Variants in WDR49 observed in about 807,000 individuals in gnomAD.
WDR49 encodes WD repeat domain 49, also known as cilia- and flagella-associated protein 337.
Under a neutral mutation model 119.5 loss-of-function variants are expected in WDR49, and 107 were observed. That is an observed-to-expected ratio of 0.90 (90% CI 0.77 to 1.05). The LOEUF (loss-of-function observed/expected upper bound fraction) is 1.05. Ranked by LOEUF, WDR49 falls within the 50% of genes least tolerant of loss-of-function variation. WDR49 has a pLI of 0.00. For synonymous variants in WDR49, 425 were observed against 418.8 expected (o/e 1.01, Z -0.18); for missense variants, 1,240 against 1,220.5 (o/e 1.02, Z -0.24).
intron 7 of WDR49, among the ~76,000 whole-genome samples, chr3:167,579,303 T>G (rs1408082680): frequency 6.6e-6 from 1 of 152,194 alleles, no homozygotes; most frequent in Non-Finnish European, 1.5e-5. Context: ...TATACCCAGA[T>G]CATTGATGAA....
At chr3:167,539,845 T>G (rs910038282) in intron 10 of WDR49, among the ~76,000 whole-genome samples, 34 of 152,198 alleles carry the variant, frequency 2.2e-4, no homozygotes, top group Non-Finnish European at 1.5e-4. Flanking sequence ...ATCTCTTCTA[T>G]TATAAAGTAA....
chr3:167,523,012 A>C (rs563373133), intron 15 of WDR49, among the ~76,000 whole-genome samples: 1 of 152,258 alleles, frequency 6.6e-6, no homozygotes, highest in East Asian at 1.9e-4. Flanking sequence ...CCCATTAACA[A>C]TCTATTTTAT....
Position 167,620,639 on chromosome 3 carries a change from C to CA in WDR49, c.784-37_784-36insT. On this transcript the variant is annotated intron_variant, in intron 4 of 18. Coordinates refer to ENST00000682715, the MANE Select transcript of WDR49 (RefSeq NM_001366157.1). ...ACATTGAAAGAACAACAATCGTGGACGGGATATTTGTTGCAAGAAGATTCT... is the reference window on the plus strand; with the variant it reads ...ACATTGAAAGAACAACAATCGTGGACAGGGATATTTGTTGCAAGAAGATTCT... The CA allele has an allele frequency of 1.9e-5, 29 of 1,494,370 alleles. No individual in the cohort carries two copies. In the South Asian group the frequency reaches 3.7e-4, roughly 19 times the overall value. 92.6% of individuals were successfully genotyped at this position (1,494,370 alleles called of 1,614,324 possible).
intron 7 of WDR49, among the ~76,000 whole-genome samples, chr3:167,577,499 T>C (rs902498151): frequency 3.9e-5 from 6 of 152,120 alleles, no homozygotes; most frequent in African/African-American, 9.7e-5. Context: ...TTCTGTTCCT[T>C]ACTAACAGGG....
intron 10 of WDR49, among the ~76,000 whole-genome samples, chr3:167,542,628 C>A (rs1455359095): frequency 6.6e-6 from 1 of 151,988 alleles, no homozygotes; most frequent in African/African-American, 2.4e-5. Context: ...CTCTGGGATA[C>A]AGCAAAACTG....
At chr3:167,657,842 G>A (rs187686800), upstream of WDR49, among the ~76,000 whole-genome samples, 1 of 152,290 alleles carries the variant, frequency 6.6e-6, no homozygotes, top group East Asian at 1.9e-4. Context: ...CTTGCCTCTT[G>A]ACCTCATGCC....
chr3:167,517,780 A>T (rs1158105775), intron 16 of WDR49, among the ~76,000 whole-genome samples: 1 of 150,074 alleles, frequency 6.7e-6, no homozygotes. Flanking sequence ...CATGTGCACA[A>T]TGTGCAGGTT....
intron 18 of WDR49, among the ~76,000 whole-genome samples, chr3:167,494,719 G>T (rs774415062): frequency 4.6e-5 from 7 of 152,176 alleles, no homozygotes; most frequent in Non-Finnish European, 7.3e-5. Context: ...TGGCTATGTG[G>T]GTTGGTGTGA....
intron 11 of WDR49, 32 bp from the exon 12 acceptor site, chr3:167,533,009 C>T (rs1370330819): frequency 6.8e-7 from 1 of 1,473,114 alleles, no homozygotes; most frequent in Admixed American, 2.0e-5. Context: ...ATATAAATTG[C>T]CAGGAGATTA....
At chr3:167,583,939 C>T (rs1337805410) in intron 7 of WDR49, among the ~76,000 whole-genome samples, 1 of 152,056 alleles carries the variant, frequency 6.6e-6, no homozygotes, top group African/African-American at 2.4e-5. Context: ...AAACAAGTCA[C>T]TATGAGGAAG....
At chr3:167,585,272 A>G (rs150157100) in intron 7 of WDR49, among the ~76,000 whole-genome samples, 200 of 152,224 alleles carry the variant, frequency 1.3e-3, no homozygotes, top group Middle Eastern at 3.4e-3. Flanking sequence ...GAGCATGCCT[A>G]TTGGTACAAC....
intron 16 of WDR49, among the ~76,000 whole-genome samples, chr3:167,507,087 G>A (rs776421198): frequency 2.0e-5 from 3 of 152,132 alleles, no homozygotes; most frequent in Non-Finnish European, 2.9e-5. Flanking sequence ...AATAGCTACT[G>A]TACAGTTACT....
At chr3:167,535,964 G>A (rs1389985920) in intron 11 of WDR49, among the ~76,000 whole-genome samples, 1 of 152,078 alleles carries the variant, frequency 6.6e-6, no homozygotes, top group African/African-American at 2.4e-5. Flanking sequence ...CATTATGTTA[G>A]GTGAAATAAG....
intron 10 of WDR49, among the ~76,000 whole-genome samples, chr3:167,541,447 A>C (rs1234495708): frequency 1.3e-5 from 2 of 152,114 alleles, no homozygotes; most frequent in Non-Finnish European, 2.9e-5. Context: ...TATCCAGCAA[A>C]ACTAAGCTTC....
chr3:167,489,559 T>G (rs1289441942), intron 18 of WDR49, among the ~76,000 whole-genome samples: 1 of 152,134 alleles, frequency 6.6e-6, no homozygotes, highest in East Asian at 1.9e-4. Flanking sequence ...AGCCAAAAGC[T>G]GTTTTCACAG....
intron 5 of WDR49, among the ~76,000 whole-genome samples, chr3:167,615,811 C>T: frequency 6.6e-6 from 1 of 152,110 alleles, no homozygotes; most frequent in Non-Finnish European, 1.5e-5. Flanking sequence ...TCTTTTCTGC[C>T]CTTAACCCAT....
At chr3:167,490,932 G>T (rs1460984498) in intron 18 of WDR49, among the ~76,000 whole-genome samples, 3 of 151,352 alleles carry the variant, frequency 2.0e-5, no homozygotes, top group South Asian at 2.1e-4. Context: ...AATCTTATGT[G>T]TTTTTTTTCA....
intron 7 of WDR49, among the ~76,000 whole-genome samples, chr3:167,576,915 C>G (rs142323659): frequency 6.6e-6 from 1 of 151,644 alleles, no homozygotes; most frequent in East Asian, 1.9e-4. Flanking sequence ...ATACATGTAT[C>G]TATATATGTG....
chr3:167,536,981 G>A lies in WDR49; in HGVS notation c.1843C>T (p.Pro615Ser). The change falls in exon 11 of 19, where the codon CCC (proline) becomes TCC (serine). Residue 615 changes from proline to serine, a missense_variant. Pro to Ser is a moderately conservative substitution (Grantham distance 74). Coordinates refer to ENST00000682715, the MANE Select transcript of WDR49 (RefSeq NM_001366157.1). ...ATGAAAAATTGATTGAAGTTTTGGG[G>A]TCGAAACACAGTAATAGCCCTAGCA... ...TIGRAITVFRPQNFNQFFIQP... is the reference protein window; with the variant it reads ...TIGRAITVFRSQNFNQFFIQP... 2 of 1,586,990 alleles carry A rather than the reference G, an allele frequency of 1.3e-6. No individual in the cohort carries two copies. The highest frequency in any genetic ancestry group is 1.4e-5 in the African/African-American group (1 of 73,518).
Sources: gnomAD v4.1 joint callset for allele counts (sites outside exome capture counted in the v4.1 genomes callset) on GRCh38, gnomAD v4.1.1 for gene constraint, MANE v1.5 for transcripts, NCBI Gene and HGNC (gene_info 2026-07-23, HGNC 2026-07-21) for gene names.